Variants in AKAP9 observed in about 807,000 individuals in gnomAD.
AKAP9 encodes the protein A-kinase anchor protein 9.
Under a neutral mutation model 488.5 loss-of-function variants are expected in AKAP9, and 311 were observed. The ratio of observed to expected loss-of-function variants is 0.64; its 90% CI spans 0.58 to 0.70. AKAP9 has a LOEUF of 0.70. Ranked by LOEUF, AKAP9 falls within the 30% of genes least tolerant of loss-of-function variation. The pLI is 0.00. For missense variants in AKAP9, 4,215 were observed against 4,374.5 expected (o/e 0.96, Z 1.03); for synonymous variants, 1,462 against 1,483.5 (o/e 0.99, Z 0.33).
chr7:92,035,818 T>A (rs955658694), intron 16 of AKAP9, among the ~76,000 whole-genome samples: 1 of 152,176 alleles, frequency 6.6e-6, no homozygotes, highest in African/African-American at 2.4e-5. Flanking sequence ...GTAGTGGGCT[T>A]ATTTTATGTT....
At chr7:91,953,505 A>G (rs1792538636) in intron 1 of AKAP9, among the ~76,000 whole-genome samples, 1 of 152,200 alleles carries the variant, frequency 6.6e-6, no homozygotes, top group Non-Finnish European at 1.5e-5. Context: ...GGAAAATGAG[A>G]ACAATAATAG....
chr7:91,989,217 G>C (rs1403906175), intron 3 of AKAP9, among the ~76,000 whole-genome samples: 1 of 152,000 alleles, frequency 6.6e-6, no homozygotes, highest in African/African-American at 2.4e-5. Flanking sequence ...TATTTATTTA[G>C]GTATATTGTG....
chr7:92,018,741 A>G (rs1322844759), intron 12 of AKAP9, among the ~76,000 whole-genome samples: 2 of 152,086 alleles, frequency 1.3e-5, no homozygotes, highest in African/African-American at 4.8e-5. Context: ...TGTTTATATT[A>G]CCAGGGATCT....
chr7:91,974,238 T>C (rs1297356511), intron 2 of AKAP9, among the ~76,000 whole-genome samples: 1 of 152,312 alleles, frequency 6.6e-6, no homozygotes, highest in East Asian at 1.9e-4. Context: ...CTCTGCCCTT[T>C]AGGAAAATTA....
At chr7:92,070,839 C>CAA in intron 27 of AKAP9, 66 bp from the exon 28 acceptor site, 19 of 583,812 alleles carry the variant, frequency 3.3e-5, no homozygotes, top group South Asian at 1.4e-4. Context: ...GACCAAAAAA[C>CAA]AAAAAAAAAC....
At chr7:92,056,198 T>C (rs1808765604) in intron 22 of AKAP9, among the ~76,000 whole-genome samples, 1 of 152,020 alleles carries the variant, frequency 6.6e-6, no homozygotes, top group African/African-American at 2.4e-5. Context: ...CTCTTATCTT[T>C]GTAGTTAGTT....
intron 33 of AKAP9, among the ~76,000 whole-genome samples, chr7:92,084,139 C>T (rs750128697): frequency 6.6e-6 from 1 of 152,156 alleles, no homozygotes; most frequent in Non-Finnish European, 1.5e-5. Flanking sequence ...ATCTATGTCC[C>T]TGCAAATGAC....
Position 92,105,771 on chromosome 7 carries a change from C to A in AKAP9, c.11416+8C>A. On this transcript the variant is annotated splice_region_variant and intron_variant, in intron 47 of 49. Coordinates refer to ENST00000356239, the MANE Select transcript of AKAP9 (RefSeq NM_005751.5). The stretch of plus-strand genomic sequence containing the variant: ...GCTTTGGACTGAATCAAGGTGAAGT[C>A]AAAATAGCATATTTTCTTATGTTTA... 2 of 1,607,040 alleles carry A rather than the reference C, an allele frequency of 1.2e-6. No homozygotes were observed. Among genetic ancestry groups the A allele is most frequent in the South Asian group, 1.1e-5 (1 of 90,950 alleles).
intron 16 of AKAP9, among the ~76,000 whole-genome samples, chr7:92,036,814 G>A (rs764340859): frequency 2.0e-4 from 31 of 152,130 alleles, no homozygotes; most frequent in Non-Finnish European, 8.8e-5. Flanking sequence ...TTGTTAAGTT[G>A]TATTCTATGG....
intron 1 of AKAP9, among the ~76,000 whole-genome samples, chr7:91,963,482 T>TCACACACA (rs56800758): frequency 0.02 from 2,771 of 139,264 alleles, 34 homozygotes; most frequent in East Asian, 0.039. Flanking sequence ...AACATATTTG[T>TCACACACA]CACACACACA....
intron 26 of AKAP9, 42 bp downstream of exon 26, chr7:92,066,588 A>G (rs2130833168): frequency 1.2e-6 from 2 of 1,609,244 alleles, no homozygotes; most frequent in East Asian, 2.2e-5. Context: ...AGTAATTTGT[A>G]TCAAGTGTAA....
chr7:91,973,691 G>T lies in AKAP9; in HGVS notation c.49-20G>T. 1 of 1,611,556 alleles carries T rather than the reference G, an allele frequency of 6.2e-7. No homozygotes were observed. Among genetic ancestry groups the T allele is most frequent in the Non-Finnish European group, 8.5e-7 (1 of 1,178,924 alleles). On this transcript the variant is annotated intron_variant, in intron 1 of 49. Coordinates refer to ENST00000356239, the MANE Select transcript of AKAP9 (RefSeq NM_005751.5). Reference sequence around the variant, plus strand: ...AGAAAAATTATCTTTGACAATAACGGTTATTTTCTTTTTTCTTAGCTTGCC... The same window carrying T: ...AGAAAAATTATCTTTGACAATAACGTTTATTTTCTTTTTTCTTAGCTTGCC...
chr7:92,095,102 C>T lies in AKAP9; in HGVS notation c.9658C>T (p.Leu3220Phe). Reference sequence around the variant, plus strand: ...AAGTGAACAGAAAAAATCAAGAGAGCTCCAGTGGGCTTTGGAGAAAGAGAA... The same window carrying T: ...AAGTGAACAGAAAAAATCAAGAGAGTTCCAGTGGGCTTTGGAGAAAGAGAA... The part of the protein sequence containing the change: ...LASEQKKSRE[L>F]QWALEKEKAK... Residue 3220 changes from leucine (L) to phenylalanine (F), a missense_variant, in exon 40 of 50, where the codon CTC becomes TTC. Coordinates refer to ENST00000356239, the MANE Select transcript of AKAP9 (RefSeq NM_005751.5). 1.2e-6 allele frequency: 2 copies of T among 1,614,160 alleles called. No homozygotes were observed. The highest frequency in any genetic ancestry group is 2.2e-5 in the South Asian group (2 of 91,088).
At chr7:92,099,988 C>A (rs1817252811) in intron 44 of AKAP9, 119 bp downstream of exon 44, 5 of 941,744 alleles carry the variant, frequency 5.3e-6, no homozygotes, top group Admixed American at 3.9e-5. Flanking sequence ...TTCTTAGGAT[C>A]TGTAGAAAAT....
intron 1 of AKAP9, among the ~76,000 whole-genome samples, chr7:91,966,295 A>T (rs1315924262): frequency 2.0e-5 from 3 of 152,010 alleles, no homozygotes; most frequent in African/African-American, 7.3e-5. Context: ...GTCCTAGAGT[A>T]TTTCTCTACT....
chr7:92,067,700 C>CTG (rs1810990207), intron 26 of AKAP9, among the ~76,000 whole-genome samples: 1 of 152,174 alleles, frequency 6.6e-6, no homozygotes, highest in Admixed American at 6.5e-5. Context: ...AGAGGATTCA[C>CTG]TGTATGAATA....
chr7:92,034,541 C>T (rs1311703179), intron 16 of AKAP9, among the ~76,000 whole-genome samples: 7 of 118,768 alleles, frequency 5.9e-5, no homozygotes, highest in Admixed American at 1.1e-4. Flanking sequence ...TCACTCTTGT[C>T]GCCAGGCTGG....
At chr7:92,068,178 G>A (rs1276515942) in intron 26 of AKAP9, among the ~76,000 whole-genome samples, 1 of 151,504 alleles carries the variant, frequency 6.6e-6, no homozygotes, top group Non-Finnish European at 1.5e-5. Context: ...GGCTAACACA[G>A]TGAAACCCCA....
intron 7 of AKAP9, among the ~76,000 whole-genome samples, chr7:91,996,938 C>G (rs1185728186): frequency 6.6e-6 from 1 of 152,034 alleles, no homozygotes; most frequent in African/African-American, 2.4e-5. Flanking sequence ...AATAGAAGTA[C>G]AATTATCACT....
Sources: allele counts gnomAD v4.1 joint callset (sites outside exome capture counted in the v4.1 genomes callset), GRCh38; gene constraint gnomAD v4.1.1; transcripts MANE v1.5; gene names NCBI Gene and HGNC (gene_info 2026-07-23, HGNC 2026-07-21).